Variants in ACAP1 observed in about 807,000 individuals in gnomAD.
ACAP1 encodes the protein arf-GAP with coiled-coil, ANK repeat and PH domain-containing protein 1.
ACAP1 carries 45 observed loss-of-function variants against 98.8 expected under a neutral mutation model. The ratio of observed to expected loss-of-function variants is 0.46; its 90% confidence interval spans 0.36 to 0.58. The LOEUF (loss-of-function observed/expected upper bound fraction) is 0.58. Among genes scored for constraint, ACAP1 ranks in the 20% least tolerant of loss-of-function variants. The probability of loss-of-function intolerance (pLI) is 0.00; values close to 1 mark genes in which losing one functional copy is unlikely to be tolerated. For missense variants in ACAP1, 735 were observed against 971.4 expected (o/e 0.76, Z 3.24); for synonymous variants, 362 against 375.3 (o/e 0.96, Z 0.41).
chr17:7,341,732 C>T (rs2073281029), intron 2 of ACAP1, among the ~76,000 whole-genome samples: 2 of 152,304 alleles, frequency 1.3e-5, no homozygotes, highest in Middle Eastern at 3.4e-3. Context: ...AATTGGGTTT[C>T]AGGCCCAAGG....
In ACAP1 at chr17:7,341,849, G is replaced by A. The variant is rs552342997; in HGVS notation, c.112-99G>A. On this transcript the variant is annotated intron_variant, in intron 2 of 21. Coordinates refer to ENST00000158762, the MANE Select transcript of ACAP1 (RefSeq NM_014716.4). ...TGAGGCCAGGCAGGAATAGGGGAGC[G>A]CCGCCCTGGGCAAGGGGAGAGGAAG... 4.5e-5 allele frequency: 70 copies of A among 1,552,114 alleles called. No homozygotes were observed. In the Middle Eastern group the frequency reaches 1.2e-3, roughly 27 times the overall value.
In ACAP1 at chr17:7,343,706, A is replaced by G. The variant is rs1202358801; in HGVS notation, c.529A>G (p.Ile177Val). 11 of 1,613,804 alleles carry G rather than the reference A, an allele frequency of 6.8e-6. No homozygotes were observed. Among genetic ancestry groups the G allele is most frequent in the Admixed American group, 1.7e-5 (1 of 59,972 alleles). ...TTTACGTCCTCTTTTACGTCCTCAG[A>G]TCAACGTGATTGAGGACAAGAGGAA... ...RGRALDYALQ[I>V]NVIEDKRKFD... The change falls in exon 7 of 22, where the codon ATC becomes GTC. Residue 177 changes from isoleucine to valine, a missense_variant and splice_region_variant. Ile to Val is a conservative substitution (Grantham distance 29, BLOSUM62 3). Around this residue, in one of 5 missense-constraint regions of ACAP1, gnomAD observed 430 missense variants for 531.8 expected, o/e 0.81. Coordinates refer to ENST00000158762, the MANE Select transcript of ACAP1 (RefSeq NM_014716.4). This position sits in a 1 kb window ranked among gnomAD's most constrained non-coding sequence, Gnocchi z 4.9.
Position 7,347,249 on chromosome 17 carries a change from C to T in ACAP1, c.1343+7C>T. 6.2e-7 allele frequency: 1 copy of T among 1,606,556 alleles called. No homozygotes were observed. The highest frequency in any genetic ancestry group is 8.5e-7 in the Non-Finnish European group (1 of 1,174,750). On this transcript the variant is annotated splice_region_variant and intron_variant, in intron 14 of 21. Transcript: ENST00000158762. Reference sequence around the variant, plus strand: ...AGTGTTCCGGCATCCACAGGTTACTCCACAAGGCCCATGCGGGAGCCCCAC... The same window carrying T: ...AGTGTTCCGGCATCCACAGGTTACTTCACAAGGCCCATGCGGGAGCCCCAC...
At chr17:7,338,743 C>A (rs111923897) in intron 2 of ACAP1, among the ~76,000 whole-genome samples, 1 of 150,636 alleles carries the variant, frequency 6.6e-6, no homozygotes, top group Non-Finnish European at 1.5e-5. Context: ...GATGGGGTCT[C>A]CCTATGTTAC....
intron 14 of ACAP1, 69 bp downstream of exon 14, chr17:7,347,311 A>G (rs1051960857): frequency 7.5e-5 from 105 of 1,391,372 alleles, no homozygotes; most frequent in Non-Finnish European, 1.0e-4. Flanking sequence ...TACAGAGCGC[A>G]TCACACCGGC....
At position 7,346,401 on chromosome 17, in the gene ACAP1, C is replaced by A. The variant is rs35144635; in HGVS notation, c.917C>A (p.Thr306Asn). The A allele has an allele frequency of 3.4e-4, 543 of 1,613,978 alleles. 2 individuals are homozygous for A. In the African/African-American group the frequency reaches 6.4e-3, roughly 19 times the overall value. Reference protein sequence around the residue: ...VYQKKYKDPVTVVVDDLRLCT... With the variant: ...VYQKKYKDPVNVVVDDLRLCT... ...ACCTTATCCTGCCAGGACCCTGTGA[C>A]TGTGGTGGTGGATGACCTTCGTCTC... Residue 306 changes from threonine to asparagine, a missense_variant, in exon 12 of 22, where the codon ACT becomes AAT. Around this residue, in one of 5 missense-constraint regions of ACAP1, gnomAD observed 430 missense variants for 531.8 expected, o/e 0.81. Transcript: ENST00000158762.
rs1042977803 is a variant in ACAP1 at position 7,336,580 on chromosome 17, C to T, written c.-155C>T. ...AGCTCCTCCTAGGACACCCCTTTCCCCTTGGGGAAAGAATTGTGCCCCCAG... is the reference window on the plus strand; with the variant it reads ...AGCTCCTCCTAGGACACCCCTTTCCTCTTGGGGAAAGAATTGTGCCCCCAG... On this transcript the variant is annotated 5_prime_UTR_variant, in exon 1 of 22. Coordinates refer to ENST00000158762, the MANE Select transcript of ACAP1 (RefSeq NM_014716.4). 1.2e-5 allele frequency: 9 copies of T among 747,080 alleles called. No homozygotes were observed. Among genetic ancestry groups the T allele is most frequent in the Admixed American group, 2.1e-5 (1 of 48,462 alleles). The allele number at this position is 747,080 out of a possible 1,614,324, so 46.3% of individuals were successfully genotyped here. A position where few individuals can be genotyped will look rare whatever the true frequency, so the allele number is the denominator to read the frequency against.
At chr17:7,342,550 G>A in intron 5 of ACAP1, 76 bp downstream of exon 5, 1 of 1,513,668 alleles carries the variant, frequency 6.6e-7, no homozygotes, top group Non-Finnish European at 9.1e-7. Context: ...AGGATTGCTT[G>A]AGCCCAGGAG....
chr17:7,336,588 A>C lies in ACAP1; in HGVS notation c.-147A>C. Reference sequence around the variant, plus strand: ...CTAGGACACCCCTTTCCCCTTGGGGAAAGAATTGTGCCCCCAGGCCCTTCC... The same window carrying C: ...CTAGGACACCCCTTTCCCCTTGGGGCAAGAATTGTGCCCCCAGGCCCTTCC... On this transcript the variant is annotated 5_prime_UTR_variant, in exon 1 of 22. Coordinates refer to ENST00000158762, the MANE Select transcript of ACAP1 (RefSeq NM_014716.4). 4.0e-6 allele frequency: 3 copies of C among 755,196 alleles called. No homozygotes were observed. Among genetic ancestry groups the C allele is most frequent in the Non-Finnish European group, 2.2e-6 (1 of 444,798 alleles). The allele number at this position is 755,196 out of a possible 1,614,324, so 46.8% of individuals were successfully genotyped here. A position where few individuals can be genotyped will look rare whatever the true frequency, so the allele number is the denominator to read the frequency against.
rs757840962 is a variant in ACAP1 at position 7,343,395 on chromosome 17, C to T, written c.361C>T (p.Arg121Ter). The T allele has an allele frequency of 6.2e-6, 10 of 1,612,982 alleles. No individual in the cohort carries two copies. Among genetic ancestry groups the T allele is most frequent in the African/African-American group, 1.3e-5 (1 of 74,904 alleles). The change falls in exon 6 of 22, where the codon CGA becomes TGA. Residue 121 changes from arginine to a stop codon, truncating the protein, a stop_gained. Coordinates refer to ENST00000158762, the MANE Select transcript of ACAP1 (RefSeq NM_014716.4). LOFTEE classifies it high-confidence loss of function. The surrounding 1 kb of genome is among the most constrained non-coding windows in gnomAD (Gnocchi z 4.9). ...TLVKEGLRGF[R>*]EARRDFWRGA... The stretch of plus-strand genomic sequence containing the variant: ...CATCCTCAGAGGTCTGCGGGGTTTC[C>T]GAGAGGCTCGCCGGGATTTCTGGCG...
At chr17:7,351,130 C>A in intron 21 of ACAP1, 131 bp downstream of exon 21, 1 of 1,136,816 alleles carries the variant, frequency 8.8e-7, no homozygotes, top group Non-Finnish European at 1.3e-6. Flanking sequence ...TGGGCGCATG[C>A]GACGTGCCAG....
intron 3 of ACAP1, 49 bp downstream of exon 3, chr17:7,342,116 G>C (rs1191455593): frequency 6.2e-7 from 1 of 1,609,950 alleles, no homozygotes; most frequent in East Asian, 2.2e-5. Flanking sequence ...GGATGAGGAG[G>C]TGATGCTGTG....
At chr17:7,349,708 A>T (rs949037990) in intron 18 of ACAP1, 2 of 472,606 alleles carry the variant, frequency 4.2e-6, no homozygotes, top group South Asian at 4.4e-5. Context: ...TTAACCTCTC[A>T]GCCTCATCTG....
chr17:7,338,323 G>A (rs1384713437), intron 2 of ACAP1, among the ~76,000 whole-genome samples: 1 of 151,886 alleles, frequency 6.6e-6, no homozygotes, highest in Admixed American at 6.6e-5. Context: ...GTGCGATCTC[G>A]GCTTACTGGA....
chr17:7,348,694 A>G, intron 17 of ACAP1: 1 of 599,660 alleles, frequency 1.7e-6, no homozygotes, highest in Non-Finnish European at 2.8e-6. Context: ...CCAACAGCAC[A>G]AGAAAAGGAG....
rs1451192722 is a variant in ACAP1, at chr17:7,348,310, GAGA to G, written c.1516_1518del (p.Lys506del). Reference sequence around the variant, plus strand: ...CGTGCTTCTCCCCTCCCACAGGCAGGAGAAGGAGGCCTGGATTCACGCTAAATA... The same window carrying G: ...CGTGCTTCTCCCCTCCCACAGGCAGGAGGAGGCCTGGATTCACGCTAAATA... On this transcript the variant is annotated inframe_deletion, in exon 17 of 22. Transcript: ENST00000158762. The G allele has an allele frequency of 6.3e-7, 1 of 1,586,604 alleles. No homozygotes were observed. The highest frequency in any genetic ancestry group is 8.6e-7 in the Non-Finnish European group (1 of 1,165,570).
At position 7,351,290 on chromosome 17, in the gene ACAP1, C is replaced by T. The variant is rs750896166; in HGVS notation, c.2123-5C>T. 1.2e-6 allele frequency: 2 copies of T among 1,611,200 alleles called. No homozygotes were observed. The highest frequency in any genetic ancestry group is 1.1e-5 in the South Asian group (1 of 90,722). On this transcript the variant is annotated splice_region_variant and splice_polypyrimidine_tract_variant and intron_variant, in intron 21 of 21. Coordinates refer to ENST00000158762, the MANE Select transcript of ACAP1 (RefSeq NM_014716.4). ...CCGCCTCCCGGCCTTTCCTCCCTCC[C>T]CCAGGAGATGAGACGTATCTTGACA...
rs1279101979 is a variant in ACAP1 at position 7,348,458 on chromosome 17, G to A, written c.1661G>A (p.Ser554Asn). The A allele has an allele frequency of 6.7e-7, 1 of 1,484,296 alleles. No homozygotes were observed. The highest frequency in any genetic ancestry group is 9.0e-7 in the Non-Finnish European group (1 of 1,117,188). 91.9% of individuals were successfully genotyped at this position (1,484,296 alleles called of 1,614,324 possible). Residue 554 changes from serine to asparagine, a missense_variant, in exon 17 of 22, where the codon AGC becomes AAC. Ser to Asn is a conservative substitution (Grantham distance 46). Transcript: ENST00000158762. ...CCTTCCATCAGGCCCCGGCCAGGGAGCTTGAGATCCAAGCCAGGTATAGGG... is the reference window on the plus strand; with the variant it reads ...CCTTCCATCAGGCCCCGGCCAGGGAACTTGAGATCCAAGCCAGGTATAGGG... ...PKPSIRPRPG[S>N]LRSKPEPPSE...
chr17:7,350,305 C>T lies in ACAP1; in HGVS notation c.2072+68C>T, dbSNP rs56009878. The T allele has an allele frequency of 0.14, 121,286 of 859,792 alleles. 6,707 individuals carry two copies. Among genetic ancestry groups the T allele is most frequent in the Non-Finnish European group, 0.17 (97,988 of 571,528 alleles). 53.3% of individuals were successfully genotyped at this position (859,792 alleles called of 1,614,324 possible). On this transcript the variant is annotated intron_variant, in intron 20 of 21. Coordinates refer to ENST00000158762, the MANE Select transcript of ACAP1 (RefSeq NM_014716.4). The surrounding 1 kb of genome is among the most constrained non-coding windows in gnomAD (Gnocchi z 4.6). ...CCACCCCCGCCCACCCACGTTCGGGCGGGCGGGCGGGGCTGACGCCGAAAC... is the reference window on the plus strand; with the variant it reads ...CCACCCCCGCCCACCCACGTTCGGGTGGGCGGGCGGGGCTGACGCCGAAAC...
Sources: allele counts gnomAD v4.1 joint callset (sites outside exome capture counted in the v4.1 genomes callset), GRCh38; gene constraint gnomAD v4.1.1; regional missense constraint gnomAD v4.1.1; non-coding constraint Gnocchi (gnomAD v3.1); transcripts MANE v1.5; gene names NCBI Gene and HGNC (gene_info 2026-07-23, HGNC 2026-07-21).